The following FHL5 variants were observed in gnomAD, a reference collection of about 807,000 sequenced individuals.
FHL5 encodes four and a half LIM domains protein 5.
FHL5 carries 33 observed loss-of-function variants against 32.0 expected under a neutral mutation model. The observed-to-expected ratio is 1.03, with a 90% CI of 0.78 to 1.38. The LOEUF (loss-of-function observed/expected upper bound fraction) is 1.38. FHL5 is among the 40% of genes most tolerant of loss of function. FHL5 has a pLI of 0.00. For missense variants in FHL5, 336 were observed against 343.9 expected (o/e 0.98, Z 0.18); for synonymous variants, 114 against 113.6 (o/e 1.00, Z -0.02).
At chr6:96,594,465 C>T (rs912316743) in intron 1 of FHL5, among the ~76,000 whole-genome samples, 1 of 151,360 alleles carries the variant, frequency 6.6e-6, no homozygotes, top group Non-Finnish European at 1.5e-5. Context: ...TTACAGTTAA[C>T]AAAAATATTA....
rs2983900 is a variant in FHL5 at position 96,598,088 on chromosome 6, G to A, written c.-12-5514G>A. On this transcript the variant is annotated intron_variant, in intron 1 of 5. Coordinates refer to ENST00000450218, the MANE Select transcript of FHL5 (RefSeq NM_001322466.2). The stretch of plus-strand genomic sequence containing the variant: ...TCTTTCTAAAATTACCCCAAATGTG[G>A]TAGAGACTGCCCTTTGCCTGCTTCC... 9.9e-3 allele frequency among the ~76,000 whole-genome samples: 1,512 copies of A among 152,266 alleles called. 26 individuals carry two copies. Among genetic ancestry groups the A allele is most frequent in the African/African-American group, 0.035 (1,451 of 41,534 alleles).
At chr6:96,580,732 A>C (rs1770680280) in intron 1 of FHL5, among the ~76,000 whole-genome samples, 1 of 152,190 alleles carries the variant, frequency 6.6e-6, no homozygotes, top group South Asian at 2.1e-4. Flanking sequence ...GAATTATGTG[A>C]TTGATTTTGA....
intron 1 of FHL5, among the ~76,000 whole-genome samples, chr6:96,585,999 C>T (rs1030312380): frequency 4.6e-5 from 7 of 151,884 alleles, no homozygotes; most frequent in African/African-American, 7.3e-5. Context: ...GTATTGAGAA[C>T]GGGAAGAGAA....
intron 4 of FHL5, 71 bp from the exon 5 acceptor site, chr6:96,610,501 C>T (rs1304752868): frequency 3.5e-6 from 4 of 1,154,946 alleles, no homozygotes; most frequent in Non-Finnish European, 5.0e-6. Flanking sequence ...ACTAGGATCT[C>T]AAAAGAATCA....
chr6:96,599,054 T>C (rs935786128), intron 1 of FHL5, among the ~76,000 whole-genome samples: 5 of 150,850 alleles, frequency 3.3e-5, no homozygotes, highest in African/African-American at 1.2e-4. Context: ...ATGTTAAGAA[T>C]GTTAAGTGGA....
chr6:96,570,156 G>A (rs1770445300), intron 1 of FHL5, among the ~76,000 whole-genome samples: 1 of 152,070 alleles, frequency 6.6e-6, no homozygotes, highest in African/African-American at 2.4e-5. Flanking sequence ...TTCTGGTAAG[G>A]CCAGGTGAGT....
intron 4 of FHL5, among the ~76,000 whole-genome samples, chr6:96,610,313 A>G (rs1016015941): frequency 6.6e-6 from 1 of 152,136 alleles, no homozygotes; most frequent in Non-Finnish European, 1.5e-5. Context: ...ATTTCTTTCT[A>G]CTTCTAATTA....
chr6:96,594,308 A>G (rs1770991698), intron 1 of FHL5, among the ~76,000 whole-genome samples: 1 of 138,218 alleles, frequency 7.2e-6, no homozygotes, highest in East Asian at 2.1e-4. Context: ...GGTGTCTTAT[A>G]ATTTTTTGCC....
At chr6:96,596,311 C>T (rs1056123214) in intron 1 of FHL5, among the ~76,000 whole-genome samples, 5 of 151,978 alleles carry the variant, frequency 3.3e-5, no homozygotes, top group South Asian at 2.1e-4. Flanking sequence ...TTATTTTGTT[C>T]GTTTTTTATT....
intron 1 of FHL5, among the ~76,000 whole-genome samples, chr6:96,563,701 G>T (rs1202654935): frequency 6.6e-6 from 1 of 152,100 alleles, no homozygotes; most frequent in Non-Finnish European, 1.5e-5. Context: ...GAGGGCTCTT[G>T]AGATTTTATT....
Position 96,603,700 on chromosome 6 carries a change from T to C in FHL5, c.87T>C (p.Cys29=). The C allele has an allele frequency of 6.2e-7, 1 of 1,612,244 alleles. No individual in the cohort carries two copies. Among genetic ancestry groups the C allele is most frequent in the Non-Finnish European group, 8.5e-7 (1 of 1,178,744 alleles). Residue 29 remains cysteine (C), a synonymous_variant, in exon 2 of 6, where the codon TGT becomes TGC. Transcript: ENST00000450218. ...TACTAAAGGATGACAGTCCATACTG[T>C]GTTACATGTTATGATCGTGTATTTT... The part of the protein sequence containing the change: ...KYVLKDDSPY[C]VTCYDRVFSN...
Position 96,608,750 on chromosome 6 carries a change from A to G in FHL5, c.505-1822A>G, listed in dbSNP as rs572631274. On this transcript the variant is annotated intron_variant, in intron 4 of 5. Coordinates refer to ENST00000450218, the MANE Select transcript of FHL5 (RefSeq NM_001322466.2). ...GAACAAACTTGTTCTAAATCCTGAG[A>G]TCAATCAGTGGTGAAAACCAAGCTT... Among the ~76,000 whole-genome samples the G allele has an allele frequency of 3.9e-5, 6 of 152,286 alleles. No individual in the cohort carries two copies. The East Asian group carries it at 9.7e-4, about 24-fold the overall frequency.
chr6:96,586,525 G>C (rs1582465663), intron 1 of FHL5, among the ~76,000 whole-genome samples: 1 of 152,086 alleles, frequency 6.6e-6, no homozygotes, highest in Non-Finnish European at 1.5e-5. Flanking sequence ...AGTGAAGCTT[G>C]GGAGGAAGAA....
At position 96,610,677 on chromosome 6, in the gene FHL5, A is replaced by G. The variant is rs2273621; in HGVS notation, c.610A>G (p.Arg204Gly). 0.34 allele frequency: 548,041 copies of G among 1,612,006 alleles called. 95,715 individuals are homozygous for G. Among genetic ancestry groups the G allele is most frequent in the African/African-American group, 0.52 (38,724 of 74,862 alleles). Residue 204 changes from arginine (R) to glycine (G), a missense_variant, in exon 5 of 6, where the codon AGA becomes GGA. By Grantham distance (125) the Arg-to-Gly change is moderately radical. Coordinates refer to ENST00000450218, the MANE Select transcript of FHL5 (RefSeq NM_001322466.2). ...TCTCTGTGAAGAACAGTTCATGTCC[A>G]GAGACGACTATCCATTCTGCGTGGA... is the stretch of plus-strand genomic sequence containing the variant. ...KDLCEEQFMSRDDYPFCVDCY... is the reference protein window; with the variant it reads ...KDLCEEQFMSGDDYPFCVDCY...
intron 1 of FHL5, among the ~76,000 whole-genome samples, chr6:96,581,164 CTG>C (rs1190830958): frequency 6.6e-6 from 1 of 152,084 alleles, no homozygotes; most frequent in African/African-American, 2.4e-5. Context: ...GGGTTATTAA[CTG>C]AACTTTCCCT....
In FHL5 at chr6:96,616,470, A is replaced by G. The variant is rs1771523780; in HGVS notation, c.*698A>G. 6.6e-6 allele frequency: 1 copy of G among 152,202 alleles called. No homozygotes were observed. Among genetic ancestry groups the G allele is most frequent in the Admixed American group, 6.5e-5 (1 of 15,288 alleles). 9.4% of individuals were successfully genotyped at this position (152,202 alleles called of 1,614,324 possible). On this transcript the variant is annotated 3_prime_UTR_variant, in exon 6 of 6. Transcript: ENST00000450218. ...ATTTCTACCTAGGGATAGCCAAAGCATGGGTTTCAACACGTTTTGTATTAA... is the reference window on the plus strand; with the variant it reads ...ATTTCTACCTAGGGATAGCCAAAGCGTGGGTTTCAACACGTTTTGTATTAA...
chr6:96,596,930 T>A (rs1215857963), intron 1 of FHL5, among the ~76,000 whole-genome samples: 1 of 151,242 alleles, frequency 6.6e-6, no homozygotes, highest in African/African-American at 2.4e-5. Context: ...TCAGAATGAC[T>A]CTCTCTCTCT....
intron 4 of FHL5, among the ~76,000 whole-genome samples, chr6:96,607,909 T>C (rs1363389617): frequency 6.6e-6 from 1 of 152,058 alleles, no homozygotes; most frequent in Non-Finnish European, 1.5e-5. Context: ...GGAGGATCAC[T>C]TGGGCCCAGA....
intron 1 of FHL5, among the ~76,000 whole-genome samples, chr6:96,601,546 C>T (rs1023891498): frequency 1.3e-5 from 2 of 152,056 alleles, no homozygotes; most frequent in Non-Finnish European, 2.9e-5. Flanking sequence ...GAAATATTAT[C>T]AATTTGGTAA....
Sources: gnomAD v4.1 joint callset for allele counts (sites outside exome capture counted in the v4.1 genomes callset) on GRCh38, gnomAD v4.1.1 for gene constraint, MANE v1.5 for transcripts, NCBI Gene and HGNC (gene_info 2026-07-23, HGNC 2026-07-21) for gene names.